The following MTMR1 variants were observed in gnomAD, a reference collection of about 807,000 sequenced individuals.
MTMR1 encodes the protein phosphatidylinositol-3-phosphate phosphatase MTMR1.
In MTMR1, 17 loss-of-function variants were observed where a neutral mutation model predicts 51.6. The observed-to-expected ratio is 0.33, with a 90% CI of 0.23 to 0.49. MTMR1 has a LOEUF of 0.49. MTMR1 is among the 20% of genes least tolerant of loss of function. MTMR1 has a pLI of 0.99. For synonymous variants in MTMR1, 201 were observed against 205.6 expected (o/e 0.98, Z 0.19); for missense variants, 386 against 526.9 (o/e 0.73, Z 2.62).
At chrX:150,702,313 C>T (rs1557415972) in intron 2 of MTMR1, among the ~76,000 whole-genome samples, 1 of 110,645 alleles carries the variant, frequency 9.0e-6, no homozygotes, top group South Asian at 3.8e-4. Context: ...CGGGCTCCAT[C>T]CCAGATTTAC....
rs1557418121 is a variant in MTMR1, at chrX:150,762,741, A to G, written c.*12A>G. On this transcript the variant is annotated 3_prime_UTR_variant, in exon 16 of 16. Transcript: ENST00000445323. Reference sequence around the variant, plus strand: ...ACACCTCGGTCTGATGGGCGAGGTCAGCCTGCTGCTCCACTGTCTCCCGGT... The same window carrying G: ...ACACCTCGGTCTGATGGGCGAGGTCGGCCTGCTGCTCCACTGTCTCCCGGT... 8.6e-7 allele frequency: 1 copy of G among 1,158,050 alleles called. No individual in the cohort carries two copies. Among genetic ancestry groups the G allele is most frequent in the Non-Finnish European group, 1.2e-6 (1 of 867,453 alleles).
intron 10 of MTMR1, chrX:150,735,446 T>C: frequency 2.0e-6 from 1 of 500,307 alleles, no homozygotes; most frequent in East Asian, 3.7e-5. Context: ...TTTCTCTTCT[T>C]GTGATGTCTT....
At position 150,762,645 on chromosome X, in the gene MTMR1, G is replaced by C. The variant is rs1360585990; in HGVS notation, c.1938G>C (p.Glu646Asp). The C allele has an allele frequency of 1.5e-5, 18 of 1,211,025 alleles. No homozygotes were observed. The highest frequency in any genetic ancestry group is 2.0e-5 in the Non-Finnish European group (18 of 895,181). ...AGCGTGTGGAGGGCCTACAGCGGGA[G>C]GTGGCCACGCGCGCCGTCTCATCCT... ...LQKRVEGLQR[E>D]VATRAVSSSS... is the part of the protein sequence containing the mutation. Residue 646 changes from glutamate to aspartate, a missense_variant, in exon 16 of 16, where the codon GAG becomes GAC. By Grantham distance (45) the Glu-to-Asp change is conservative. Coordinates refer to ENST00000445323, the MANE Select transcript of MTMR1 (RefSeq NM_001306144.3).
At chrX:150,762,010 C>T (rs1557418040) in intron 15 of MTMR1, among the ~76,000 whole-genome samples, 1 of 112,611 alleles carries the variant, frequency 8.9e-6, no homozygotes, top group Admixed American at 9.3e-5. Flanking sequence ...GGCTCCCCAC[C>T]CCCCTGCCGG....
At position 150,718,695 on chromosome X, in the gene MTMR1, C is replaced by T; in HGVS notation, c.347C>T (p.Ala116Val). ...CTTTTCCCAGGAGAATCAATTAAAG[C>T]CATTGGTAAGTTTAGTGTGTACACT... Reference protein sequence around the residue: ...APLFPGESIKAIVKDVMYICP... With the variant: ...APLFPGESIKVIVKDVMYICP... The change falls in exon 4 of 16, where the codon GCC (alanine) becomes GTC (valine). Residue 116 changes from alanine to valine, a missense_variant. Coordinates refer to ENST00000445323, the MANE Select transcript of MTMR1 (RefSeq NM_001306144.3). The T allele has an allele frequency of 8.7e-7, 1 of 1,154,561 alleles. No individual in the cohort carries two copies. Among genetic ancestry groups the T allele is most frequent in the Non-Finnish European group, 1.2e-6 (1 of 866,734 alleles).
intron 4 of MTMR1, among the ~76,000 whole-genome samples, chrX:150,721,360 TCTTA>T (rs1275139066): frequency 2.7e-5 from 3 of 112,111 alleles, no homozygotes; most frequent in Non-Finnish European, 3.8e-5. Context: ...ATAGCTTATT[TCTTA>T]CTTAAATATC....
intron 1 of MTMR1, among the ~76,000 whole-genome samples, chrX:150,697,917 A>G (rs1325160538): frequency 8.9e-6 from 1 of 112,031 alleles, no homozygotes; most frequent in East Asian, 2.8e-4. Flanking sequence ...CTCACAGGGC[A>G]TGTCACCTCT....
At chrX:150,760,400 G>A (rs1413785667) in intron 15 of MTMR1, among the ~76,000 whole-genome samples, 1 of 111,243 alleles carries the variant, frequency 9.0e-6, no homozygotes, top group Non-Finnish European at 1.9e-5. Context: ...TGGCTCGATT[G>A]GCTGCCGAGA....
At chrX:150,731,820 T>G (rs1004814321) in intron 9 of MTMR1, among the ~76,000 whole-genome samples, 1 of 112,114 alleles carries the variant, frequency 8.9e-6, no homozygotes, top group South Asian at 3.7e-4. Context: ...TTTTACGATT[T>G]CCTATAACTA....
chrX:150,714,672 A>G (rs782716890), intron 3 of MTMR1: 13 of 305,218 alleles, frequency 4.3e-5, no homozygotes, highest in Non-Finnish European at 1.1e-5. Flanking sequence ...AATTTGGTAG[A>G]TTCCATATGA....
intron 12 of MTMR1, among the ~76,000 whole-genome samples, chrX:150,737,687 T>A (rs781799048): frequency 8.9e-6 from 1 of 112,372 alleles, no homozygotes; most frequent in East Asian, 2.8e-4. Context: ...GTAAAATTCA[T>A]ATAACATAGA....
At chrX:150,698,680 G>GCGCGCA (rs1491104991) in intron 1 of MTMR1, among the ~76,000 whole-genome samples, 2 of 62,989 alleles carry the variant, frequency 3.2e-5, no homozygotes, top group East Asian at 4.6e-4. Context: ...ACACGCGCGC[G>GCGCGCA]CACACACACA....
At chrX:150,740,234 T>G (rs1557417275) in intron 12 of MTMR1, among the ~76,000 whole-genome samples, 1 of 112,033 alleles carries the variant, frequency 8.9e-6, no homozygotes, top group African/African-American at 3.3e-5. Flanking sequence ...CCTTCCAGAC[T>G]GTCTTGAAAG....
At chrX:150,740,750 C>T (rs950473572) in intron 12 of MTMR1, among the ~76,000 whole-genome samples, 21 of 111,133 alleles carry the variant, frequency 1.9e-4, no homozygotes, top group East Asian at 2.8e-4. Context: ...AGCATGGTGC[C>T]GGCATCTGCT....
chrX:150,712,491 G>C (rs1557416253), intron 3 of MTMR1, 126 bp downstream of exon 3: 1 of 629,684 alleles, frequency 1.6e-6, no homozygotes. Flanking sequence ...AGATCAATTT[G>C]CTCTGCTGTG....
intron 14 of MTMR1, among the ~76,000 whole-genome samples, chrX:150,754,519 T>C (rs2042845504): frequency 8.9e-6 from 1 of 112,254 alleles, no homozygotes; most frequent in African/African-American, 3.2e-5. Flanking sequence ...CCTGCACATT[T>C]GGGTGTTTTT....
At chrX:150,726,491 T>C (rs142354244) in intron 4 of MTMR1, among the ~76,000 whole-genome samples, 142 of 111,574 alleles carry the variant, frequency 1.3e-3, no homozygotes, top group Middle Eastern at 4.6e-3. Flanking sequence ...ACATAAGGAG[T>C]ATAGAAAAGT....
Position 150,729,585 on chromosome X carries a change from T to C in MTMR1, c.556-524T>C, listed in dbSNP as rs782175074. Among the ~76,000 whole-genome samples the C allele has an allele frequency of 6.3e-5, 7 of 111,976 alleles. No homozygotes were observed. The South Asian group carries it at 1.5e-3, about 24-fold the overall frequency. On this transcript the variant is annotated intron_variant, in intron 6 of 15. Transcript: ENST00000445323. ...ATTCAAAAGATACAAAAGCTGTGTATAGTAAAAAATCAGTCTCCTTCCACC... is the reference window on the plus strand; with the variant it reads ...ATTCAAAAGATACAAAAGCTGTGTACAGTAAAAAATCAGTCTCCTTCCACC...
At position 150,740,041 on chromosome X, in the gene MTMR1, A is replaced by G. The variant is rs1178476012; in HGVS notation, c.1473+2593A>G. Among the ~76,000 whole-genome samples the G allele has an allele frequency of 2.7e-5, 3 of 110,892 alleles. No homozygotes were observed. In the East Asian group the frequency reaches 8.6e-4, roughly 32 times the overall value. ...GAACTTTCCAATTGTTCTTCCCTTT[A>G]TCCTGCCTCCATTCCCCCCTCTTCC... On this transcript the variant is annotated intron_variant, in intron 12 of 15. Transcript: ENST00000445323.
Sources: gnomAD v4.1 joint callset for allele counts (sites outside exome capture counted in the v4.1 genomes callset) on GRCh38, gnomAD v4.1.1 for gene constraint, MANE v1.5 for transcripts, NCBI Gene and HGNC (gene_info 2026-07-23, HGNC 2026-07-21) for gene names.